MICAL2: variants seen among roughly 807,000 people sequenced by gnomAD.
MICAL2 encodes microtubule associated monooxygenase, calponin and LIM domain containing 2.
Under a neutral mutation model 127.3 loss-of-function variants are expected in MICAL2, and 77 were observed. The observed-to-expected ratio is 0.60, with a 90% confidence interval of 0.50 to 0.73. The LOEUF is 0.73. MICAL2 is among the 30% of genes least tolerant of loss of function. The probability of loss-of-function intolerance (pLI) is 0.00; values close to 1 mark genes in which losing one functional copy is unlikely to be tolerated. For missense variants in MICAL2, 1,351 were observed against 1,434.4 expected (o/e 0.94, Z 0.94); for synonymous variants, 570 against 551.1 (o/e 1.03, Z -0.48).
intron 31 of MICAL2, among the ~76,000 whole-genome samples, chr11:12,325,235 G>C (rs867817667): frequency 3.2e-4 from 49 of 152,206 alleles, no homozygotes; most frequent in African/African-American, 1.2e-3. Flanking sequence ...TCAGCCTCCT[G>C]AGTAGCTGGG....
chr11:12,213,024 T>A (rs747666853), intron 6 of MICAL2, among the ~76,000 whole-genome samples: 1 of 152,176 alleles, frequency 6.6e-6, no homozygotes, highest in Non-Finnish European at 1.5e-5. Context: ...TTTCCTTTTG[T>A]TTATTGAAGC....
chr11:12,118,378 C>A (rs1160810881), intron 1 of MICAL2, among the ~76,000 whole-genome samples: 1 of 152,234 alleles, frequency 6.6e-6, no homozygotes, highest in Non-Finnish European at 1.5e-5. Context: ...TGTCCCCAGC[C>A]CCCTGTGGAT....
chr11:12,242,890 C>T (rs1472321213), intron 20 of MICAL2, 118 bp downstream of exon 20: 2 of 665,056 alleles, frequency 3.0e-6, no homozygotes, highest in African/African-American at 3.8e-5. Context: ...GCATGAAGAG[C>T]TCTTTATTTT....
In MICAL2 at chr11:12,230,295, G is replaced by A. The variant is rs78318861; in HGVS notation, c.1995+3164G>A. ...CTGGTCCTGCACAGCCACAGGGGAT[G>A]TCTGCACGTAAGACTCTGAAATCCA... On this transcript the variant is annotated intron_variant, in intron 15 of 27. Transcript: ENST00000683283. 3.3e-5 allele frequency among the ~76,000 whole-genome samples: 5 copies of A among 152,324 alleles called. No individual in the cohort carries two copies. The East Asian group carries it at 9.7e-4, about 29-fold the overall frequency.
downstream of MICAL2, chr11:12,287,390 C>G: frequency 2.8e-6 from 1 of 355,312 alleles, no homozygotes; most frequent in Admixed American, 4.7e-5. Context: ...CACCCCACCC[C>G]TGGCTCAGGA....
Position 12,162,289 on chromosome 11 carries a change from A to G in MICAL2, c.134A>G (p.Asp45Gly). The G allele has an allele frequency of 1.2e-6, 2 of 1,614,226 alleles. No homozygotes were observed. The highest frequency in any genetic ancestry group is 4.5e-5 in the East Asian group (2 of 44,882). Residue 45 changes from aspartate (D) to glycine (G), a missense_variant, in exon 3 of 28, where the codon GAC (aspartate) becomes GGC (glycine). Asp to Gly is a moderately conservative substitution (Grantham distance 94). Around this residue, in one of 2 missense-constraint regions of MICAL2, gnomAD observed 599 missense variants for 714.9 expected, o/e 0.84. Transcript: ENST00000683283. The stretch of plus-strand genomic sequence containing the variant: ...CGACACCTGGACCTAGACCCTCTGG[A>G]CCACAGAAACTTTTATTCCAAGCTC... ...LTRHLDLDPL[D>G]HRNFYSKLKS...
chr11:12,168,631 T>C (rs145405016), intron 3 of MICAL2, among the ~76,000 whole-genome samples: 136 of 151,762 alleles, frequency 9.0e-4, no homozygotes, highest in African/African-American at 3.1e-3. Context: ...TATATTTCCA[T>C]ATATATTTCT....
At chr11:12,114,479 T>A (rs1849839768) in intron 1 of MICAL2, among the ~76,000 whole-genome samples, 1 of 152,170 alleles carries the variant, frequency 6.6e-6, no homozygotes, top group Non-Finnish European at 1.5e-5. Flanking sequence ...TGGTTTTAGT[T>A]TAGAGAAGCG....
intron 29 of MICAL2, among the ~76,000 whole-genome samples, chr11:12,298,790 A>C (rs867204468): frequency 6.6e-6 from 1 of 152,198 alleles, no homozygotes; most frequent in South Asian, 2.1e-4. Flanking sequence ...ATTACGAATT[A>C]TATCGTAGAT....
chr11:12,187,743 G>A (rs1052180085), intron 3 of MICAL2, among the ~76,000 whole-genome samples: 5 of 152,156 alleles, frequency 3.3e-5, no homozygotes, highest in Admixed American at 6.5e-5. Context: ...CTATCTTGCT[G>A]GTGGCTGGCA....
chr11:12,163,248 A>G (rs571648055), intron 3 of MICAL2, among the ~76,000 whole-genome samples: 1 of 152,350 alleles, frequency 6.6e-6, no homozygotes, highest in African/African-American at 2.4e-5. Flanking sequence ...GTGGGAGTCC[A>G]GGCGTCTCAG....
intron 19 of MICAL2, 32 bp from the exon 20 acceptor site, chr11:12,242,639 C>T: frequency 6.3e-7 from 1 of 1,588,904 alleles, no homozygotes; most frequent in African/African-American, 1.3e-5. Flanking sequence ...CACTATCTCT[C>T]TTTTCTTTCT....
At chr11:12,160,382 C>CTT (rs993550545) in intron 2 of MICAL2, among the ~76,000 whole-genome samples, 17 of 152,294 alleles carry the variant, frequency 1.1e-4, no homozygotes, top group Non-Finnish European at 1.8e-4. Context: ...TTCCCAAAGA[C>CTT]TTGTCTCTTC....
At chr11:12,331,630 A>C (rs1435688734) in intron 32 of MICAL2, among the ~76,000 whole-genome samples, 4 of 152,230 alleles carry the variant, frequency 2.6e-5, no homozygotes, top group African/African-American at 9.6e-5. Flanking sequence ...TCCTGGACAG[A>C]GCACAGGCAT....
chr11:12,309,147 C>T (rs1474714951), intron 29 of MICAL2, among the ~76,000 whole-genome samples: 1 of 152,116 alleles, frequency 6.6e-6, no homozygotes, highest in Non-Finnish European at 1.5e-5. Flanking sequence ...ATTGAAACAT[C>T]AATTTACTTC....
At chr11:12,179,874 C>T (rs1000256673) in intron 3 of MICAL2, among the ~76,000 whole-genome samples, 6 of 152,232 alleles carry the variant, frequency 3.9e-5, no homozygotes, top group African/African-American at 1.4e-4. Context: ...TGTATCAATT[C>T]CCACAGCAGC....
At chr11:12,245,312 A>G (rs775107486) in intron 21 of MICAL2, among the ~76,000 whole-genome samples, 2 of 152,126 alleles carry the variant, frequency 1.3e-5, no homozygotes, top group African/African-American at 2.4e-5. Context: ...TGCCGCTGCC[A>G]GAAGGAGTGC....
intron 1 of MICAL2, among the ~76,000 whole-genome samples, chr11:12,135,928 T>G (rs1851797262): frequency 6.6e-6 from 1 of 152,208 alleles, no homozygotes; most frequent in East Asian, 1.9e-4. Flanking sequence ...CTTGAACAAG[T>G]CTTTAGTGCA....
intron 22 of MICAL2, chr11:12,254,949 A>G (rs1342857046): frequency 3.3e-5 from 1 of 30,340 alleles, no homozygotes; most frequent in East Asian, 6.5e-4. Flanking sequence ...ACAGTGTTTT[A>G]CTCTTGTTGC....
Sources: gnomAD v4.1 joint callset for allele counts (sites outside exome capture counted in the v4.1 genomes callset) on GRCh38, gnomAD v4.1.1 for gene constraint, gnomAD v4.1.1 regional missense constraint, MANE v1.5 for transcripts, NCBI Gene and HGNC (gene_info 2026-07-23, HGNC 2026-07-21) for gene names.